The following DENND11 variants were observed in gnomAD, a reference collection of about 807,000 sequenced individuals.
DENND11 encodes DENN domain-containing protein 11.
Under a neutral mutation model 49.2 loss-of-function variants are expected in DENND11, and 34 were observed. The observed-to-expected ratio is 0.69, with a 90% CI of 0.53 to 0.92. The LOEUF (loss-of-function observed/expected upper bound fraction) is 0.92, where lower values mean the gene tolerates loss of function less well. Among genes scored for constraint, DENND11 ranks in the 40% least tolerant of loss-of-function variants. The pLI, the probability that DENND11 is intolerant of heterozygous loss-of-function variation, is 0.00. For synonymous variants in DENND11, 238 were observed against 230.3 expected (o/e 1.03, Z -0.30); for missense variants, 475 against 581.6 (o/e 0.82, Z 1.88).
chr7:141,685,228 A>G (rs1177368930), intron 3 of DENND11, among the ~76,000 whole-genome samples: 2 of 152,062 alleles, frequency 1.3e-5, no homozygotes, highest in African/African-American at 4.8e-5. Context: ...TTAATTTTAA[A>G]AAGTGATGGT....
intron 3 of DENND11, among the ~76,000 whole-genome samples, chr7:141,677,503 G>GTGTA (rs71172617): frequency 3.0e-5 from 4 of 134,192 alleles, no homozygotes; most frequent in Admixed American, 1.6e-4. Flanking sequence ...GTGTGTGTGT[G>GTGTA]TATATATATA....
chr7:141,657,221 A>C lies in DENND11; in HGVS notation c.*5435T>G, dbSNP rs1003140840. 2.0e-5 allele frequency: 3 copies of C among 152,480 alleles called. No homozygotes were observed. The highest frequency in any genetic ancestry group is 7.2e-5 in the African/African-American group (3 of 41,424). 9.4% of individuals were successfully genotyped at this position (152,480 alleles called of 1,614,324 possible). On this transcript the variant is annotated 3_prime_UTR_variant, in exon 9 of 9. Transcript: ENST00000536163. ...GCTTATTTTCCCGGACCTATACAAA[A>C]ATTCAGTCAACAAGTTTTGGGTAAA...
chr7:141,664,000 C>T (rs959036515), intron 8 of DENND11, among the ~76,000 whole-genome samples, 172 bp downstream of exon 8: 1 of 152,198 alleles, frequency 6.6e-6, no homozygotes. Context: ...TGGGTTCCCC[C>T]TAATGGCATT....
At chr7:141,682,878 T>G (rs915748578) in intron 3 of DENND11, among the ~76,000 whole-genome samples, 1 of 151,768 alleles carries the variant, frequency 6.6e-6, no homozygotes, top group Non-Finnish European at 1.5e-5. Flanking sequence ...TTAAAAGGAA[T>G]AATATTGTTT....
intron 1 of DENND11, among the ~76,000 whole-genome samples, chr7:141,687,062 A>G (rs771754048): frequency 1.2e-4 from 18 of 152,070 alleles, no homozygotes; most frequent in Admixed American, 2.6e-4. Context: ...GCCACTAATG[A>G]CTGGGAAAAA....
At chr7:141,679,572 C>T (rs1798115878) in intron 3 of DENND11, among the ~76,000 whole-genome samples, 1 of 151,740 alleles carries the variant, frequency 6.6e-6, no homozygotes, top group Non-Finnish European at 1.5e-5. Flanking sequence ...ATTAGCCAGG[C>T]GTGGTGACAC....
At chr7:141,697,446 T>C (rs1284578934) in intron 1 of DENND11, among the ~76,000 whole-genome samples, 2 of 152,020 alleles carry the variant, frequency 1.3e-5, no homozygotes, top group African/African-American at 4.8e-5. Context: ...TGGCATTAGG[T>C]GGAAATACAG....
intron 3 of DENND11, among the ~76,000 whole-genome samples, chr7:141,681,955 C>G (rs961950136): frequency 2.0e-5 from 3 of 152,192 alleles, no homozygotes; most frequent in Non-Finnish European, 4.4e-5. Context: ...CAAGAGCATA[C>G]TGACTCTGCA....
rs951790251 is a variant in DENND11, at chr7:141,664,180, G to T, written c.1164C>A (p.Leu388=). The change falls in exon 8 of 9, where the codon CTC becomes CTA. Residue 388 remains leucine, a synonymous_variant. Coordinates refer to ENST00000536163, the MANE Select transcript of DENND11 (RefSeq NM_001080392.2). Reference sequence around the variant, plus strand: ...ACGGCCCCAGGACTCACAGCACGAAGAGGTCCTCTTCACAAGGGTTGTAGT... The same window carrying T: ...ACGGCCCCAGGACTCACAGCACGAATAGGTCCTCTTCACAAGGGTTGTAGT... The part of the protein sequence containing the change: ...EEDYNPCEED[L]FVLFFLEQNN... 7.6e-6 allele frequency: 12 copies of T among 1,580,508 alleles called. No homozygotes were observed. Among genetic ancestry groups the T allele is most frequent in the Non-Finnish European group, 1.0e-5 (12 of 1,161,654 alleles).
At chr7:141,667,575 GT>G (rs1182222718) in intron 4 of DENND11, among the ~76,000 whole-genome samples, 1 of 152,156 alleles carries the variant, frequency 6.6e-6, no homozygotes, top group African/African-American at 2.4e-5. Context: ...TTTGTGAAAG[GT>G]CATTTCCATG....
intron 1 of DENND11, among the ~76,000 whole-genome samples, chr7:141,687,146 CCT>C (rs1220533648): frequency 6.6e-6 from 1 of 152,184 alleles, no homozygotes; most frequent in Non-Finnish European, 1.5e-5. Context: ...AAACATTTCT[CCT>C]CTTTTTCCTG....
Position 141,657,289 on chromosome 7 carries a change from TCA to T in DENND11, c.*5365_*5366del, listed in dbSNP as rs1797710345. The stretch of plus-strand genomic sequence containing the variant: ...GCTTTCCTCTGCTCTGTCCCTGAAG[TCA>T]CTCATCCAGGTTGGCTGCTCAAACA... On this transcript the variant is annotated 3_prime_UTR_variant, in exon 9 of 9. Transcript: ENST00000536163. 6.6e-6 allele frequency: 1 copy of T among 152,268 alleles called. No individual in the cohort carries two copies. The highest frequency in any genetic ancestry group is 6.5e-5 in the Admixed American group (1 of 15,284). 9.4% of individuals were successfully genotyped at this position (152,268 alleles called of 1,614,324 possible). A position where few individuals can be genotyped will look rare whatever the true frequency, so the allele number is the denominator to read the frequency against.
chr7:141,679,680 C>T (rs182929034), intron 3 of DENND11, among the ~76,000 whole-genome samples: 1,562 of 150,612 alleles, frequency 0.01, 25 homozygotes, highest in African/African-American at 0.037. Flanking sequence ...CCATTGCACT[C>T]CAGCCTGGGA....
intron 1 of DENND11, chr7:141,701,619 A>AG (rs1798518977): frequency 4.4e-6 from 1 of 229,296 alleles, no homozygotes; most frequent in Admixed American, 5.8e-5. Flanking sequence ...AGAGGAGGGG[A>AG]GGGGAGAGGA....
At position 141,662,889 on chromosome 7, in the gene DENND11, G is replaced by GGGC. The variant is rs144275576; in HGVS notation, c.1173-39_1173-38insGCC. On this transcript the variant is annotated intron_variant, in intron 8 of 8. Transcript: ENST00000536163. Reference sequence around the variant, plus strand: ...GACAAGACACAGGAAAGGAAGCGGGGGGGAATAAAAAGCTCACCAGATAAT... The same window carrying GGGC: ...GACAAGACACAGGAAAGGAAGCGGGGGGCGGGAATAAAAAGCTCACCAGATAAT... The GGGC allele has an allele frequency of 1.2e-5, 18 of 1,466,732 alleles. 1 individual carries two copies. In the South Asian group the frequency reaches 1.5e-4, roughly 13 times the overall value. 90.9% of individuals were successfully genotyped at this position (1,466,732 alleles called of 1,614,324 possible). A position where few individuals can be genotyped will look rare whatever the true frequency, so the allele number is the denominator to read the frequency against.
At position 141,662,867 on chromosome 7, in the gene DENND11, A is replaced by C; in HGVS notation, c.1173-16T>G. On this transcript the variant is annotated splice_polypyrimidine_tract_variant and intron_variant, in intron 8 of 8. Transcript: ENST00000536163. Reference sequence around the variant, plus strand: ...TAGGAAAAACCTGCATTTGGAAGACAAGACACAGGAAAGGAAGCGGGGGGG... The same window carrying C: ...TAGGAAAAACCTGCATTTGGAAGACCAGACACAGGAAAGGAAGCGGGGGGG... The C allele has an allele frequency of 6.6e-7, 1 of 1,516,670 alleles. No individual in the cohort carries two copies. The highest frequency in any genetic ancestry group is 1.4e-5 in the African/African-American group (1 of 71,296). 94.0% of individuals were successfully genotyped at this position (1,516,670 alleles called of 1,614,324 possible).
At chr7:141,692,559 C>G (rs1446664827) in intron 1 of DENND11, among the ~76,000 whole-genome samples, 8 of 152,128 alleles carry the variant, frequency 5.3e-5, no homozygotes, top group Non-Finnish European at 1.2e-4. Context: ...GGTGCTGAAA[C>G]AAGTGGACAT....
chr7:141,664,302 C>G, intron 7 of DENND11, 62 bp from the exon 8 acceptor site: 1 of 1,348,662 alleles, frequency 7.4e-7, no homozygotes, highest in South Asian at 1.3e-5. Context: ...ACAGGTGAGG[C>G]CTCAGCCAGG....
At chr7:141,668,455 G>A (rs536543661) in intron 4 of DENND11, among the ~76,000 whole-genome samples, 6 of 152,242 alleles carry the variant, frequency 3.9e-5, no homozygotes, top group East Asian at 1.9e-4. Flanking sequence ...GTGTGGTGTC[G>A]CGTGCCTGTA....
Sources: allele counts gnomAD v4.1 joint callset (sites outside exome capture counted in the v4.1 genomes callset), GRCh38; gene constraint gnomAD v4.1.1; transcripts MANE v1.5; gene names NCBI Gene and HGNC (gene_info 2026-07-23, HGNC 2026-07-21).